ARFGEF1: variants seen among roughly 807,000 people sequenced by gnomAD.
ARFGEF1 encodes brefeldin A-inhibited guanine nucleotide-exchange protein 1.
A neutral mutation model predicts 231.0 loss-of-function variants in ARFGEF1; 42 were observed. That is an observed-to-expected ratio of 0.18 (90% CI 0.14 to 0.24). The LOEUF (loss-of-function observed/expected upper bound fraction) is 0.24. Among genes scored for constraint, ARFGEF1 ranks in the 10% least tolerant of loss-of-function variants. The pLI, the probability that ARFGEF1 is intolerant of heterozygous loss-of-function variation, is 1.00. For missense variants in ARFGEF1, 1,345 were observed against 2,192.0 expected, an observed-to-expected ratio of 0.61 and a Z score of 7.72; for synonymous variants, 710 against 732.3, an observed-to-expected ratio of 0.97 and a Z score of 0.49.
intron 5 of ARFGEF1, among the ~76,000 whole-genome samples, chr8:67,186,604 G>A (rs569055493): frequency 1.8e-4 from 27 of 152,108 alleles, no homozygotes; most frequent in Non-Finnish European, 3.4e-4. Flanking sequence ...GAAACTAGAA[G>A]CTTTCCTGCT....
Position 67,225,062 on chromosome 8 carries a change from G to A in ARFGEF1, c.4078-29C>T, listed in dbSNP as rs754712702. 1.4e-5 allele frequency: 22 copies of A among 1,569,994 alleles called. No homozygotes were observed. The African/African-American group carries it at 2.9e-4, about 20-fold the overall frequency. The stretch of plus-strand genomic sequence containing the variant: ...CAAGAAAAAAGGTAGGGTTATTAAA[G>A]GCAAAACATAACACCCATACATTCA... On this transcript the variant is annotated intron_variant, in intron 28 of 38. Transcript: ENST00000262215.
At chr8:67,226,940 GTAT>G (rs1197054412) in intron 27 of ARFGEF1, among the ~76,000 whole-genome samples, 194 bp downstream of exon 27, 2 of 152,026 alleles carry the variant, frequency 1.3e-5, no homozygotes, top group African/African-American at 4.8e-5. Context: ...AGTGCACACA[GTAT>G]TTGCCATATG....
At position 67,296,628 on chromosome 8, in the gene ARFGEF1, GA is replaced by G. The variant is rs1455905266; in HGVS notation, c.460-19del. ...AGTAAAGCCTTTAAGAAAAAAAAAGGAAAAAGTTAAAGAGATTTTCTTTTTC... is the reference window on the plus strand; with the variant it reads ...AGTAAAGCCTTTAAGAAAAAAAAAGGAAAAGTTAAAGAGATTTTCTTTTTC... On this transcript the variant is annotated intron_variant, in intron 4 of 38. Transcript: ENST00000262215. 2 of 1,555,662 alleles carry G rather than the reference GA, an allele frequency of 1.3e-6. No individual in the cohort carries two copies. The highest frequency in any genetic ancestry group is 2.3e-5 in the East Asian group (1 of 44,372).
Position 67,246,414 on chromosome 8 carries a change from T to C in ARFGEF1, c.2850+4885A>G, listed in dbSNP as rs530323071. 1.7e-4 allele frequency among the ~76,000 whole-genome samples: 26 copies of C among 150,454 alleles called. 2 individuals are homozygous for C. In the South Asian group the frequency reaches 5.2e-3, roughly 30 times the overall value. On this transcript the variant is annotated intron_variant, in intron 19 of 38. Transcript: ENST00000262215. ...AACAAGTGAATCTGAAGCCTCTTTC[T>C]GGTACAACGGAATAAAACTAGAAAT...
At chr8:67,260,702 C>T (rs114942487) in intron 14 of ARFGEF1, among the ~76,000 whole-genome samples, 2 of 152,126 alleles carry the variant, frequency 1.3e-5, no homozygotes, top group South Asian at 2.1e-4. Context: ...GGAAGGAAGA[C>T]TCGCACATCT....
intron 5 of ARFGEF1, among the ~76,000 whole-genome samples, chr8:67,294,788 C>T (rs546133883): frequency 2.0e-5 from 3 of 152,234 alleles, no homozygotes; most frequent in African/African-American, 7.2e-5. Context: ...TTTCCTAACT[C>T]TATCTGCTGA....
Position 67,343,761 on chromosome 8 carries a change from G to T in ARFGEF1, c.-474C>A. The T allele has an allele frequency of 3.9e-6, 1 of 259,378 alleles. No individual in the cohort carries two copies. The highest frequency in any genetic ancestry group is 6.1e-6 in the Non-Finnish European group (1 of 164,484). The allele number at this position is 259,378 out of a possible 1,614,324, so 16.1% of individuals were successfully genotyped here. ...CCCCCATCACCGCCGACCTGCCCCGGCCGCCATGTTGGGAGGAAACGACGC... is the reference window on the plus strand; with the variant it reads ...CCCCCATCACCGCCGACCTGCCCCGTCCGCCATGTTGGGAGGAAACGACGC... On this transcript the variant is annotated 5_prime_UTR_variant, in exon 1 of 39. Coordinates refer to ENST00000262215, the MANE Select transcript of ARFGEF1 (RefSeq NM_006421.5).
At chr8:67,297,277 A>G (rs2128912982) in intron 4 of ARFGEF1, among the ~76,000 whole-genome samples, 1 of 152,332 alleles carries the variant, frequency 6.6e-6, no homozygotes, top group African/African-American at 2.4e-5. Context: ...GAACTAGACC[A>G]TCAACTTGGG....
At chr8:67,218,800 A>T (rs1196041461) in intron 30 of ARFGEF1, among the ~76,000 whole-genome samples, 1 of 152,226 alleles carries the variant, frequency 6.6e-6, no homozygotes, top group African/African-American at 2.4e-5. Flanking sequence ...TTTACTTTGT[A>T]TTCTTTACTC....
chr8:67,256,424 TCTTA>T (rs1310670189), intron 17 of ARFGEF1, among the ~76,000 whole-genome samples: 1 of 152,172 alleles, frequency 6.6e-6, no homozygotes, highest in Non-Finnish European at 1.5e-5. Flanking sequence ...TCGTATATAT[TCTTA>T]CTTTAGGTTT....
intron 8 of ARFGEF1, 46 bp from the exon 9 acceptor site, chr8:67,276,155 T>C (rs191865682): frequency 3.1e-6 from 5 of 1,603,050 alleles, no homozygotes; most frequent in Non-Finnish European, 3.4e-6. Flanking sequence ...TATTTGCCAG[T>C]GTAAAATCGC....
chr8:67,257,203 T>TC (rs1431390690), intron 17 of ARFGEF1, among the ~76,000 whole-genome samples: 2 of 151,966 alleles, frequency 1.3e-5, no homozygotes, highest in Non-Finnish European at 2.9e-5. Context: ...ACCTTAGCCC[T>TC]CCAAGTAGTT....
At chr8:67,264,004 C>G (rs1296674215) in intron 14 of ARFGEF1, among the ~76,000 whole-genome samples, 2 of 151,990 alleles carry the variant, frequency 1.3e-5, no homozygotes, top group African/African-American at 4.8e-5. Context: ...ATAAATAGTT[C>G]TGCATTGTTG....
chr8:67,258,492 T>C (rs905699910), intron 15 of ARFGEF1, among the ~76,000 whole-genome samples: 2 of 151,810 alleles, frequency 1.3e-5, no homozygotes, highest in Non-Finnish European at 2.9e-5. Context: ...GCCCAGCTAA[T>C]TTTTTTTGTA....
chr8:67,277,049 A>G (rs1251423871), intron 8 of ARFGEF1, among the ~76,000 whole-genome samples: 1 of 152,120 alleles, frequency 6.6e-6, no homozygotes, highest in Admixed American at 6.5e-5. Flanking sequence ...GAAGATGTAA[A>G]CATAGATGAG....
At chr8:67,231,890 T>C (rs924968463) in intron 23 of ARFGEF1, among the ~76,000 whole-genome samples, 1 of 152,080 alleles carries the variant, frequency 6.6e-6, no homozygotes, top group African/African-American at 2.4e-5. Flanking sequence ...CAAGCCTTCA[T>C]GTTTGTTATA....
intron 9 of ARFGEF1, among the ~76,000 whole-genome samples, chr8:67,273,246 T>C (rs1454287560): frequency 2.0e-5 from 3 of 152,064 alleles, no homozygotes; most frequent in East Asian, 3.8e-4. Context: ...CAATATACTA[T>C]GGCATGCTTC....
rs748646891 is a variant in ARFGEF1 at position 67,343,313 on chromosome 8, C to T, written c.-26G>A. 3.7e-6 allele frequency: 6 copies of T among 1,607,912 alleles called. No homozygotes were observed. In the Admixed American group the frequency reaches 5.0e-5, roughly 13 times the overall value. ...GGACGCAGAGAAGGAGGCGGCGGCT[C>T]GTCCGACCCGCGGCTCCCAGCGGCT... is the stretch of plus-strand genomic sequence containing the variant. On this transcript the variant is annotated 5_prime_UTR_variant, in exon 1 of 39. Coordinates refer to ENST00000262215, the MANE Select transcript of ARFGEF1 (RefSeq NM_006421.5).
At chr8:67,195,510 G>C (rs1427409108), downstream of ARFGEF1, 3 of 1,614,206 alleles carry the variant, frequency 1.9e-6, no homozygotes, top group Non-Finnish European at 2.5e-6. Context: ...TTTCATGGCA[G>C]AGCAGCTGAA....
Sources: gnomAD v4.1 joint callset for allele counts (sites outside exome capture counted in the v4.1 genomes callset) on GRCh38, gnomAD v4.1.1 for gene constraint, MANE v1.5 for transcripts, NCBI Gene and HGNC (gene_info 2026-07-23, HGNC 2026-07-21) for gene names.